The following MNAT1 variants were observed in gnomAD, a reference collection of about 807,000 sequenced individuals.
MNAT1 encodes MNAT1 component of CDK activating kinase.
In MNAT1, 43 loss-of-function variants were observed where a neutral mutation model predicts 42.0. That is an observed-to-expected ratio of 1.02 (90% CI 0.80 to 1.32). The LOEUF is 1.32. Among genes scored for constraint, MNAT1 ranks in the 40% most tolerant of loss-of-function variants. The pLI is 0.00. For missense variants in MNAT1, 306 were observed against 350.4 expected (o/e 0.87, Z 1.01); for synonymous variants, 118 against 120.0 (o/e 0.98, Z 0.11).
chr14:60,853,883 C>A (rs1477657014), intron 6 of MNAT1, among the ~76,000 whole-genome samples: 1 of 152,082 alleles, frequency 6.6e-6, no homozygotes, highest in East Asian at 1.9e-4. Context: ...GCCTTGCATC[C>A]CAGGGATGAA....
At position 60,745,551 on chromosome 14, in the gene MNAT1, G is replaced by C. The variant is rs529471767; in HGVS notation, c.89+10600G>C. Among the ~76,000 whole-genome samples the C allele has an allele frequency of 3.9e-4, 60 of 152,126 alleles. 2 individuals are homozygous for C. Among genetic ancestry groups the C allele is most frequent in the Admixed American group, 3.3e-4 (5 of 15,290 alleles). On this transcript the variant is annotated intron_variant, in intron 1 of 7. Transcript: ENST00000261245. ...CATGCCTCAGCCTCCTGAGTAGATG[G>C]GATTACAGGTGTGTACCACCACGCC... is the stretch of plus-strand genomic sequence containing the variant.
At chr14:60,857,076 G>A (rs185507901) in intron 6 of MNAT1, among the ~76,000 whole-genome samples, 90 of 152,298 alleles carry the variant, frequency 5.9e-4, no homozygotes, top group African/African-American at 1.9e-3. Flanking sequence ...AGGTGACAGC[G>A]TATCTGCTTA....
intron 3 of MNAT1, among the ~76,000 whole-genome samples, chr14:60,803,085 C>G (rs1464329596): frequency 6.6e-6 from 1 of 151,878 alleles, no homozygotes; most frequent in Non-Finnish European, 1.5e-5. Flanking sequence ...GCGCCCACCA[C>G]CATGCCTGGC....
At chr14:60,893,042 A>G (rs4151314) in intron 7 of MNAT1, among the ~76,000 whole-genome samples, 7,438 of 152,120 alleles carry the variant, frequency 0.049, 589 homozygotes, top group African/African-American at 0.17. Context: ...AATTTTTTTA[A>G]AAAAGATATT....
chr14:60,906,230 T>C (rs578197804), intron 7 of MNAT1, among the ~76,000 whole-genome samples: 2 of 152,092 alleles, frequency 1.3e-5, no homozygotes, highest in Non-Finnish European at 2.9e-5. Context: ...TTCAGAGAGG[T>C]AGCAGGTTTT....
chr14:60,799,064 T>C (rs1289016523), intron 3 of MNAT1, among the ~76,000 whole-genome samples: 1 of 152,222 alleles, frequency 6.6e-6, no homozygotes, highest in Non-Finnish European at 1.5e-5. Context: ...TTAATTTCTT[T>C]ACTAGAAAAT....
intron 7 of MNAT1, among the ~76,000 whole-genome samples, chr14:60,901,426 T>C (rs2035070849): frequency 6.6e-6 from 1 of 152,242 alleles, no homozygotes; most frequent in African/African-American, 2.4e-5. Context: ...CTAAAGCCCA[T>C]GGATCAAGGA....
chr14:60,811,260 G>A (rs1441700154), intron 4 of MNAT1, among the ~76,000 whole-genome samples: 1 of 145,198 alleles, frequency 6.9e-6, no homozygotes, highest in Non-Finnish European at 1.5e-5. Context: ...ACTCTAATTA[G>A]ATTATTACTT....
At chr14:60,755,912 A>G (rs1351339741) in intron 1 of MNAT1, among the ~76,000 whole-genome samples, 1 of 152,198 alleles carries the variant, frequency 6.6e-6, no homozygotes, top group Admixed American at 6.5e-5. Context: ...GGGTATAGAG[A>G]TAGTCACTGA....
At chr14:60,793,871 C>T (rs1176656273) in intron 1 of MNAT1, among the ~76,000 whole-genome samples, 1 of 151,730 alleles carries the variant, frequency 6.6e-6, no homozygotes, top group East Asian at 1.9e-4. Flanking sequence ...ATATTCTTTT[C>T]ACAGTTAAAA....
chr14:60,855,909 C>A (rs184761148), intron 6 of MNAT1, among the ~76,000 whole-genome samples: 5 of 152,168 alleles, frequency 3.3e-5, no homozygotes, highest in Non-Finnish European at 7.3e-5. Flanking sequence ...TGCGTGTGTT[C>A]TACTCCACCA....
At chr14:60,736,626 A>T (rs1281044827) in intron 1 of MNAT1, among the ~76,000 whole-genome samples, 1 of 152,154 alleles carries the variant, frequency 6.6e-6, no homozygotes, top group Non-Finnish European at 1.5e-5. Flanking sequence ...AATGAGTGAA[A>T]AGCTGTAGCG....
intron 6 of MNAT1, among the ~76,000 whole-genome samples, chr14:60,840,181 CA>C (rs759754947): frequency 5.9e-5 from 9 of 152,136 alleles, no homozygotes; most frequent in African/African-American, 1.9e-4. Flanking sequence ...TGACATCTTG[CA>C]ACAGTTTGAG....
intron 7 of MNAT1, among the ~76,000 whole-genome samples, chr14:60,909,217 A>T (rs1230303670): frequency 3.3e-5 from 5 of 151,954 alleles, no homozygotes; most frequent in Non-Finnish European, 7.4e-5. Context: ...TAGATTCTGG[A>T]TATTAGCCCT....
chr14:60,828,640 C>T (rs1223912317), intron 6 of MNAT1, among the ~76,000 whole-genome samples: 2 of 151,942 alleles, frequency 1.3e-5, no homozygotes, highest in Non-Finnish European at 2.9e-5. Context: ...CTGACACTAA[C>T]CGGAATTAGT....
intron 7 of MNAT1, among the ~76,000 whole-genome samples, chr14:60,906,059 A>G (rs988875910): frequency 6.6e-6 from 1 of 152,216 alleles, no homozygotes; most frequent in African/African-American, 2.4e-5. Context: ...GTAAGATGGT[A>G]TTTTAGCAAA....
At chr14:60,739,135 T>TTG in intron 1 of MNAT1, among the ~76,000 whole-genome samples, 1 of 151,944 alleles carries the variant, frequency 6.6e-6, no homozygotes, top group East Asian at 1.9e-4. Context: ...TGACGTGGCT[T>TTG]CTCCCAGAAC....
intron 1 of MNAT1, among the ~76,000 whole-genome samples, chr14:60,769,289 A>G (rs1050552857): frequency 3.3e-5 from 5 of 151,456 alleles, no homozygotes; most frequent in African/African-American, 1.2e-4. Context: ...ATTTTAAAAA[A>G]TTTGAAACAG....
intron 1 of MNAT1, among the ~76,000 whole-genome samples, chr14:60,788,333 A>G (rs1379297153): frequency 1.3e-5 from 2 of 152,198 alleles, no homozygotes; most frequent in African/African-American, 2.4e-5. Flanking sequence ...CTGTAAATAG[A>G]TGCGCCATCA....
Sources: allele counts gnomAD v4.1 joint callset (sites outside exome capture counted in the v4.1 genomes callset), GRCh38; gene constraint gnomAD v4.1.1; transcripts MANE v1.5; gene names NCBI Gene and HGNC (gene_info 2026-07-23, HGNC 2026-07-21).